The following ZNF385D variants were observed in gnomAD, a reference collection of about 807,000 sequenced individuals.
ZNF385D encodes the protein zinc finger protein 659.
ZNF385D carries 15 observed loss-of-function variants against 35.8 expected under a neutral mutation model. That is an observed-to-expected ratio of 0.42 (90% CI 0.28 to 0.64). ZNF385D has a LOEUF of 0.64. Among genes scored for constraint, ZNF385D ranks in the 30% least tolerant of loss-of-function variants. The pLI is 0.23. For missense variants in ZNF385D, 474 were observed against 494.6 expected (o/e 0.96, Z 0.39); for synonymous variants, 212 against 186.8 (o/e 1.13, Z -1.10).
intron 2 of ZNF385D, among the ~76,000 whole-genome samples, chr3:21,620,719 G>A (rs554520256): frequency 4.6e-5 from 7 of 152,150 alleles, no homozygotes; most frequent in South Asian, 2.1e-4. Flanking sequence ...GTCACACACC[G>A]AACAGGAACA....
At chr3:21,708,290 T>C (rs2125405420) in intron 1 of ZNF385D, among the ~76,000 whole-genome samples, 1 of 152,356 alleles carries the variant, frequency 6.6e-6, no homozygotes, top group East Asian at 1.9e-4. Flanking sequence ...CTGGGAACTC[T>C]GCAAGCAGTA....
At chr3:21,680,996 T>C (rs1286133719) in intron 1 of ZNF385D, among the ~76,000 whole-genome samples, 1 of 152,112 alleles carries the variant, frequency 6.6e-6, no homozygotes, top group Non-Finnish European at 1.5e-5. Flanking sequence ...CTTTGGATTT[T>C]ATTTCTGTAT....
At chr3:22,294,513 T>G (rs1702467714) in intron 2 of ZNF385D, among the ~76,000 whole-genome samples, 1 of 152,166 alleles carries the variant, frequency 6.6e-6, no homozygotes, top group African/African-American at 2.4e-5. Context: ...AGGGAATGTT[T>G]TTTATTTCCT....
At chr3:21,886,263 A>C (rs536685176) in intron 3 of ZNF385D, among the ~76,000 whole-genome samples, 53 of 152,172 alleles carry the variant, frequency 3.5e-4, no homozygotes, top group African/African-American at 1.3e-3. Context: ...TGATGGAAGA[A>C]GGTTTTCCTT....
intron 3 of ZNF385D, among the ~76,000 whole-genome samples, chr3:22,037,939 C>G (rs1264176555): frequency 6.6e-6 from 1 of 152,162 alleles, no homozygotes; most frequent in Non-Finnish European, 1.5e-5. Flanking sequence ...CTACAACTAT[C>G]TGATCTTTGA....
At chr3:21,910,050 T>C (rs1699886656) in intron 3 of ZNF385D, among the ~76,000 whole-genome samples, 1 of 151,026 alleles carries the variant, frequency 6.6e-6, no homozygotes, top group African/African-American at 2.4e-5. Context: ...AAAGTATGTA[T>C]AGTCCCAATT....
At chr3:22,237,350 G>A (rs1359087611) in intron 2 of ZNF385D, among the ~76,000 whole-genome samples, 4 of 151,970 alleles carry the variant, frequency 2.6e-5, no homozygotes, top group Non-Finnish European at 5.9e-5. Flanking sequence ...TAAATCACTT[G>A]CCCATTTTAA....
chr3:21,783,586 A>C (rs12490619), intron 3 of ZNF385D, among the ~76,000 whole-genome samples: 14,652 of 152,106 alleles, frequency 0.096, 785 homozygotes, highest in Middle Eastern at 0.11. Flanking sequence ...ATGTAATAGC[A>C]CTGAGCCCTT....
At chr3:22,113,938 T>C (rs6781848) in intron 3 of ZNF385D, among the ~76,000 whole-genome samples, 2 of 151,900 alleles carry the variant, frequency 1.3e-5, no homozygotes, top group Non-Finnish European at 2.9e-5. Flanking sequence ...GGTACATTCA[T>C]TGGAACTAGA....
intron 3 of ZNF385D, among the ~76,000 whole-genome samples, chr3:21,773,451 G>A (rs776955139): frequency 6.6e-6 from 1 of 151,846 alleles, no homozygotes; most frequent in Non-Finnish European, 1.5e-5. Flanking sequence ...CTTCTGCACG[G>A]CAAAGGAAAC....
chr3:22,029,309 G>A (rs1456652033), intron 3 of ZNF385D, among the ~76,000 whole-genome samples: 3 of 152,022 alleles, frequency 2.0e-5, no homozygotes, highest in African/African-American at 4.8e-5. Flanking sequence ...GAATATAGGA[G>A]ATCCATTAGG....
intron 1 of ZNF385D, among the ~76,000 whole-genome samples, chr3:21,737,638 A>G (rs1413118822): frequency 2.0e-5 from 3 of 152,176 alleles, no homozygotes; most frequent in African/African-American, 7.2e-5. Context: ...TATAATTCTC[A>G]ATTTAAAAAC....
intron 1 of ZNF385D, among the ~76,000 whole-genome samples, chr3:21,734,287 T>TA (rs1344694304): frequency 2.0e-5 from 3 of 151,004 alleles, no homozygotes; most frequent in African/African-American, 7.3e-5. Flanking sequence ...CACTCAGGGT[T>TA]TTTTTTTTCA....
intron 3 of ZNF385D, among the ~76,000 whole-genome samples, chr3:21,957,476 G>C (rs1702353057): frequency 6.6e-6 from 1 of 152,068 alleles, no homozygotes; most frequent in African/African-American, 2.4e-5. Flanking sequence ...GAACAATAAG[G>C]TCCAGGCTGA....
Position 21,564,700 on chromosome 3 carries a change from A to T in ZNF385D, c.166-16T>A. ...TCGGGTCCATCTGTAATGAGAAAAAAGAAATACAACAAATAGAAATAAAGC... is the reference window on the plus strand; with the variant it reads ...TCGGGTCCATCTGTAATGAGAAAAATGAAATACAACAAATAGAAATAAAGC... On this transcript the variant is annotated splice_polypyrimidine_tract_variant and intron_variant, in intron 2 of 7. Transcript: ENST00000281523. 1 of 1,466,054 alleles carries T rather than the reference A, an allele frequency of 6.8e-7. No individual in the cohort carries two copies. The highest frequency in any genetic ancestry group is 9.2e-7 in the Non-Finnish European group (1 of 1,083,054). The allele number at this position is 1,466,054 out of a possible 1,614,324, so 90.8% of individuals were successfully genotyped here.
intron 3 of ZNF385D, among the ~76,000 whole-genome samples, chr3:22,104,261 C>T (rs1047995153): frequency 2.0e-4 from 30 of 151,970 alleles, no homozygotes; most frequent in African/African-American, 7.3e-4. Context: ...TGTAGAGTGC[C>T]ATCACTCTCT....
intron 3 of ZNF385D, among the ~76,000 whole-genome samples, chr3:21,919,552 C>T (rs1031311226): frequency 1.3e-5 from 2 of 152,190 alleles, no homozygotes; most frequent in South Asian, 4.1e-4. Flanking sequence ...AGTTTGGGAA[C>T]AGTTTCTTGC....
At chr3:22,209,608 T>C (rs893618794) in intron 2 of ZNF385D, among the ~76,000 whole-genome samples, 2 of 151,936 alleles carry the variant, frequency 1.3e-5, no homozygotes. Flanking sequence ...TTTCCAAGAC[T>C]ATTTATCATA....
At chr3:21,506,563 T>G (rs1038947903) in intron 4 of ZNF385D, among the ~76,000 whole-genome samples, 18 of 152,210 alleles carry the variant, frequency 1.2e-4, no homozygotes, top group Non-Finnish European at 1.6e-4. Context: ...TTAGTTACAC[T>G]TGCCTAGTTA....
Sources: allele counts gnomAD v4.1 joint callset (sites outside exome capture counted in the v4.1 genomes callset), GRCh38; gene constraint gnomAD v4.1.1; transcripts MANE v1.5; gene names NCBI Gene and HGNC (gene_info 2026-07-23, HGNC 2026-07-21).